The following AREL1 variants were observed in gnomAD, a reference collection of about 807,000 sequenced individuals.
AREL1 encodes the protein apoptosis resistant E3 ubiquitin protein ligase 1.
AREL1 carries 62 observed loss-of-function variants against 99.0 expected under a neutral mutation model. The observed-to-expected ratio is 0.63, with a 90% CI of 0.51 to 0.77. The LOEUF is 0.77. AREL1 is among the 30% of genes least tolerant of loss of function. AREL1 has a pLI of 0.00. For missense variants in AREL1, 879 were observed against 1,027.6 expected, an observed-to-expected ratio of 0.86 and a Z score of 1.98; for synonymous variants, 380 against 376.5, an observed-to-expected ratio of 1.01 and a Z score of -0.11.
At chr14:74,709,583 C>G (rs962299628) in intron 1 of AREL1, among the ~76,000 whole-genome samples, 1 of 152,180 alleles carries the variant, frequency 6.6e-6, no homozygotes, top group African/African-American at 2.4e-5. Context: ...CGGCAGTAAT[C>G]TATCTCTGAG....
intron 2 of AREL1, among the ~76,000 whole-genome samples, chr14:74,690,465 G>A (rs1229091549): frequency 3.9e-5 from 6 of 152,174 alleles, no homozygotes; most frequent in South Asian, 2.1e-4. Context: ...GCCAGGCGTT[G>A]TAAGTTCCTC....
At chr14:74,694,862 G>A (rs555961683) in intron 1 of AREL1, among the ~76,000 whole-genome samples, 8 of 151,962 alleles carry the variant, frequency 5.3e-5, no homozygotes, top group African/African-American at 1.4e-4. Flanking sequence ...GGTGGCGGGT[G>A]CCTGTAGTCC....
intron 1 of AREL1, among the ~76,000 whole-genome samples, chr14:74,702,985 T>C (rs370493289): frequency 4.6e-5 from 7 of 152,272 alleles, no homozygotes; most frequent in African/African-American, 1.7e-4. Flanking sequence ...CTCCAGGAAG[T>C]TTCAAACTTT....
Position 74,672,892 on chromosome 14 carries a change from T to G in AREL1, c.1361A>C (p.His454Pro), listed in dbSNP as rs754333648. ...GACTTTGGAATGTGGTCTTTTCATA[T>G]GTACCTGCCGAAGCTCTCGCTGGAA... The part of the protein sequence containing the change: ...NFFQRELRQV[H>P]MKRPHSKVTL... The change falls in exon 11 of 20, where the codon CAT becomes CCT. Residue 454 changes from histidine (H) to proline (P), a missense_variant. By Grantham distance (77) the His-to-Pro change is moderately conservative (BLOSUM62 -2). Transcript: ENST00000356357. 3.7e-6 allele frequency: 6 copies of G among 1,614,228 alleles called. No homozygotes were observed. The highest frequency in any genetic ancestry group is 5.1e-6 in the Non-Finnish European group (6 of 1,180,036).
chr14:74,667,263 C>T (rs774915958), intron 17 of AREL1, 56 bp downstream of exon 17: 21 of 1,606,724 alleles, frequency 1.3e-5, no homozygotes, highest in Non-Finnish European at 1.8e-5. Flanking sequence ...AAGCTGGTTC[C>T]TGTAAGCTAC....
Position 74,692,212 on chromosome 14 carries a change from G to T in AREL1, c.-217C>A, listed in dbSNP as rs1481910998. On this transcript the variant is annotated 5_prime_UTR_variant, in exon 2 of 20. Coordinates refer to ENST00000356357, the MANE Select transcript of AREL1 (RefSeq NM_001039479.2). ...ACTTTGTCACAGTAATCAGGTCAGT[G>T]TTTCTGGGATGAACTGGATGAACTC... 1 of 456,328 alleles carries T rather than the reference G, an allele frequency of 2.2e-6. No homozygotes were observed. Among genetic ancestry groups the T allele is most frequent in the Admixed American group, 2.4e-5 (1 of 42,442 alleles). 28.3% of individuals were successfully genotyped at this position (456,328 alleles called of 1,614,324 possible).
intron 15 of AREL1, 69 bp downstream of exon 15, chr14:74,669,580 C>T: frequency 1.3e-6 from 2 of 1,550,250 alleles, no homozygotes; most frequent in South Asian, 1.2e-5. Flanking sequence ...GCAGAAAGTT[C>T]TCTTAGACAG....
At chr14:74,683,668 A>G (rs1217173633) in intron 4 of AREL1, 135 bp from the exon 5 acceptor site, 8 of 711,096 alleles carry the variant, frequency 1.1e-5, no homozygotes, top group Non-Finnish European at 1.9e-5. Flanking sequence ...TGTTCCTCAC[A>G]GTCCTGCTCA....
rs1196540014 is a variant in AREL1 at position 74,662,720 on chromosome 14, C to T, written c.*1000G>A. ...AAACTCCTAGTCCCTGTTCCTTTGT[C>T]TTAGTGCTGCCAGAGAACACCAAGC... On this transcript the variant is annotated 3_prime_UTR_variant, in exon 20 of 20. Coordinates refer to ENST00000356357, the MANE Select transcript of AREL1 (RefSeq NM_001039479.2). The T allele has an allele frequency of 2.5e-6, 1 of 397,876 alleles. No homozygotes were observed. The highest frequency in any genetic ancestry group is 2.1e-5 in the African/African-American group (1 of 48,580). The allele number at this position is 397,876 out of a possible 1,614,324, so 24.6% of individuals were successfully genotyped here.
intron 12 of AREL1, 121 bp from the exon 13 acceptor site, chr14:74,670,992 C>G (rs72732166): frequency 8.9e-4 from 639 of 721,328 alleles, no homozygotes; most frequent in Non-Finnish European, 1.4e-3. Flanking sequence ...GGTGTTTCTC[C>G]GTTGCGACTC....
intron 1 of AREL1, among the ~76,000 whole-genome samples, chr14:74,701,312 G>C (rs1333459194): frequency 2.0e-5 from 3 of 152,156 alleles, no homozygotes; most frequent in African/African-American, 7.2e-5. Flanking sequence ...ACGTATCAGA[G>C]ACTGGTTAAT....
chr14:74,685,676 T>G lies in AREL1; in HGVS notation c.-45-16A>C. ...ACAGCTGCAGCTGTTAAAAGAAAACTTGTTTAGTTTTTGTCTCCAACTCTG... is the reference window on the plus strand; with the variant it reads ...ACAGCTGCAGCTGTTAAAAGAAAACGTGTTTAGTTTTTGTCTCCAACTCTG... On this transcript the variant is annotated splice_polypyrimidine_tract_variant and intron_variant, in intron 2 of 19. Transcript: ENST00000356357. 6.2e-7 allele frequency: 1 copy of G among 1,610,174 alleles called. No homozygotes were observed. Among genetic ancestry groups the G allele is most frequent in the Non-Finnish European group, 8.5e-7 (1 of 1,177,292 alleles).
At chr14:74,680,925 G>A (rs891967645) in intron 5 of AREL1, among the ~76,000 whole-genome samples, 1 of 152,194 alleles carries the variant, frequency 6.6e-6, no homozygotes, top group Non-Finnish European at 1.5e-5. Flanking sequence ...GCTCATGCCT[G>A]TAATCCCAGC....
intron 5 of AREL1, among the ~76,000 whole-genome samples, chr14:74,678,729 C>A (rs2089554518): frequency 6.9e-6 from 1 of 144,970 alleles, no homozygotes; most frequent in African/African-American, 2.5e-5. Context: ...GACCTTGACC[C>A]AAATCTATTA....
At chr14:74,669,611 G>C (rs1203116136) in intron 15 of AREL1, 38 bp downstream of exon 15, 2 of 1,602,738 alleles carry the variant, frequency 1.2e-6, no homozygotes, top group Non-Finnish European at 8.5e-7. Flanking sequence ...CAGGAAACTG[G>C]AGAACATAGG....
chr14:74,682,330 C>A (rs1320257985), intron 5 of AREL1, among the ~76,000 whole-genome samples: 4 of 152,160 alleles, frequency 2.6e-5, no homozygotes, highest in Admixed American at 2.0e-4. Flanking sequence ...TCTGTGGATA[C>A]CACAGCCCTT....
intron 1 of AREL1, among the ~76,000 whole-genome samples, chr14:74,712,342 A>G (rs1428607090): frequency 1.3e-5 from 2 of 152,148 alleles, no homozygotes; most frequent in Admixed American, 1.3e-4. Context: ...CATTAAGTGT[A>G]TTACAAACTG....
intron 9 of AREL1, among the ~76,000 whole-genome samples, chr14:74,673,813 T>C (rs1037298526): frequency 4.6e-5 from 7 of 152,258 alleles, no homozygotes; most frequent in Non-Finnish European, 4.4e-5. Context: ...TATTCTGAGT[T>C]GCTGCTAATT....
At chr14:74,712,910 C>T (rs1352065300) in intron 1 of AREL1, 23 bp downstream of exon 1, 1 of 645,592 alleles carries the variant, frequency 1.5e-6, no homozygotes, top group Non-Finnish European at 2.9e-6. Flanking sequence ...TGGGCTCTGC[C>T]TAAGGCTGGA....
Sources: gnomAD v4.1 joint callset for allele counts (sites outside exome capture counted in the v4.1 genomes callset) on GRCh38, gnomAD v4.1.1 for gene constraint, MANE v1.5 for transcripts, NCBI Gene and HGNC (gene_info 2026-07-23, HGNC 2026-07-21) for gene names.